HERC4: variants seen among roughly 807,000 people sequenced by gnomAD.
The protein encoded by HERC4 is HECT and RLD domain containing E3 ubiquitin protein ligase 4, also known as probable E3 ubiquitin-protein ligase HERC4.
In HERC4, 28 loss-of-function variants were observed where a neutral mutation model predicts 124.3. The ratio of observed to expected loss-of-function variants is 0.23; its 90% CI spans 0.17 to 0.31. The LOEUF (loss-of-function observed/expected upper bound fraction) is 0.31. HERC4 is among the 10% of genes least tolerant of loss of function. The probability of loss-of-function intolerance (pLI) is 1.00; values close to 1 mark genes in which losing one functional copy is unlikely to be tolerated. For missense variants in HERC4, 713 were observed against 1,229.3 expected (o/e 0.58, Z 6.28); for synonymous variants, 407 against 421.5 (o/e 0.97, Z 0.42).
intron 19 of HERC4, among the ~76,000 whole-genome samples, chr10:67,946,045 G>C (rs771800131): frequency 8.6e-5 from 13 of 151,998 alleles, no homozygotes; most frequent in Non-Finnish European, 1.6e-4. Context: ...TTGAGCCCAG[G>C]AATTTGAGAC....
chr10:68,051,269 C>T (rs1190332972), intron 3 of HERC4, among the ~76,000 whole-genome samples: 1 of 151,450 alleles, frequency 6.6e-6, no homozygotes, highest in Non-Finnish European at 1.5e-5. Flanking sequence ...AACAGTAATT[C>T]TGAAATAAAA....
At chr10:67,955,454 G>A (rs190566800) in intron 17 of HERC4, 146 of 194,240 alleles carry the variant, frequency 7.5e-4, no homozygotes, top group African/African-American at 3.4e-3. Flanking sequence ...TAAAGAGGGA[G>A]GAGCAAAAAC....
chr10:68,019,930 AT>A (rs2038507378), intron 8 of HERC4, among the ~76,000 whole-genome samples: 2 of 152,230 alleles, frequency 1.3e-5, no homozygotes, highest in African/African-American at 4.8e-5. Flanking sequence ...CTTCCAAGGA[AT>A]TCAAAGGGCT....
intron 14 of HERC4, among the ~76,000 whole-genome samples, chr10:67,990,002 C>T (rs549374092): frequency 6.6e-6 from 1 of 151,970 alleles, no homozygotes; most frequent in Non-Finnish European, 1.5e-5. Flanking sequence ...TTTAATTGAA[C>T]TTCTATATCT....
chr10:67,960,925 C>A, intron 16 of HERC4: 2 of 319,450 alleles, frequency 6.3e-6, no homozygotes, highest in South Asian at 3.0e-5. Flanking sequence ...GTTTATTGAC[C>A]ACTTCTTTCA....
At chr10:68,073,264 A>G in intron 2 of HERC4, 78 bp from the exon 3 acceptor site, 1 of 600,614 alleles carries the variant, frequency 1.7e-6, no homozygotes, top group Admixed American at 3.1e-5. Flanking sequence ...CTAGGCTACA[A>G]TAATTGCTAC....
chr10:68,059,837 T>TCATAATATTA (rs2040877637), intron 3 of HERC4, among the ~76,000 whole-genome samples: 1 of 56,924 alleles, frequency 1.8e-5, no homozygotes, highest in African/African-American at 2.6e-4. Context: ...ATATTATATA[T>TCATAATATTA]TATAATATAT....
intron 11 of HERC4, among the ~76,000 whole-genome samples, chr10:67,991,593 A>G (rs2036555947): frequency 6.6e-6 from 1 of 152,198 alleles, no homozygotes; most frequent in Non-Finnish European, 1.5e-5. Flanking sequence ...TAGTTTTGGA[A>G]AACAAGCTAG....
chr10:67,963,049 C>T (rs1021750851), intron 16 of HERC4, among the ~76,000 whole-genome samples: 9 of 152,146 alleles, frequency 5.9e-5, no homozygotes, highest in African/African-American at 2.2e-4. Context: ...AGTAATTTTC[C>T]CAAGGACAGA....
chr10:67,991,460 T>G (rs1318201294), intron 11 of HERC4, among the ~76,000 whole-genome samples: 2 of 152,178 alleles, frequency 1.3e-5, no homozygotes, highest in Non-Finnish European at 2.9e-5. Context: ...CTTTAAAACA[T>G]GGTATTTTAA....
At chr10:68,024,568 T>A (rs2038803623) in intron 8 of HERC4, among the ~76,000 whole-genome samples, 1 of 152,068 alleles carries the variant, frequency 6.6e-6, no homozygotes, top group Non-Finnish European at 1.5e-5. Context: ...TGAGGCCTAA[T>A]GATGGAGAAC....
intron 15 of HERC4, among the ~76,000 whole-genome samples, chr10:67,978,230 T>G (rs2035715488): frequency 6.6e-6 from 1 of 152,166 alleles, no homozygotes. Flanking sequence ...ATTGCGTCAC[T>G]GCACTCCAGC....
chr10:68,016,523 T>G (rs2038280258), intron 8 of HERC4, among the ~76,000 whole-genome samples: 1 of 152,074 alleles, frequency 6.6e-6, no homozygotes, highest in Non-Finnish European at 1.5e-5. Flanking sequence ...CAGCTAATTT[T>G]TGTATTTTTA....
intron 14 of HERC4, among the ~76,000 whole-genome samples, chr10:67,989,103 T>C (rs946371549): frequency 1.3e-5 from 2 of 152,096 alleles, no homozygotes; most frequent in Non-Finnish European, 2.9e-5. Context: ...TCCTAAGTTA[T>C]ATAAAAAACT....
At chr10:68,013,347 TG>T (rs1411174983) in intron 9 of HERC4, among the ~76,000 whole-genome samples, 1 of 152,228 alleles carries the variant, frequency 6.6e-6, no homozygotes, top group Non-Finnish European at 1.5e-5. Context: ...TGCAGTGGTC[TG>T]GAACTGAGCC....
intron 15 of HERC4, among the ~76,000 whole-genome samples, chr10:67,970,115 CT>C (rs2035139805): frequency 6.6e-6 from 1 of 152,100 alleles, no homozygotes; most frequent in Non-Finnish European, 1.5e-5. Context: ...CATTACAGGC[CT>C]GTAGTGTAAT....
intron 3 of HERC4, among the ~76,000 whole-genome samples, chr10:68,059,459 A>AATAATATATATTATAATATTATATATT (rs1554830051): frequency 4.8e-5 from 4 of 83,212 alleles, no homozygotes; most frequent in Admixed American, 1.8e-4. Flanking sequence ...TATATATTAT[A>AATAATATATATTATAATATTATATATT]ATAATATTAT....
intron 3 of HERC4, chr10:68,069,785 G>A (rs1231500350): frequency 9.2e-6 from 9 of 979,606 alleles, no homozygotes; most frequent in African/African-American, 8.8e-5. Context: ...GCTCACGCCT[G>A]TAATCCCAGC....
chr10:68,039,153 A>C (rs9415894), intron 4 of HERC4, among the ~76,000 whole-genome samples: 1 of 36,792 alleles, frequency 2.7e-5, no homozygotes, highest in African/African-American at 1.1e-3. Context: ...CTGAAAATAC[A>C]AAAAAAAAAA....
Sources: allele counts gnomAD v4.1 joint callset (sites outside exome capture counted in the v4.1 genomes callset), GRCh38; gene constraint gnomAD v4.1.1; transcripts MANE v1.5; gene names NCBI Gene and HGNC (gene_info 2026-07-23, HGNC 2026-07-21).